The following FOXO3 variants were observed in gnomAD, a reference collection of about 807,000 sequenced individuals.
FOXO3 encodes the protein forkhead box O3, also known as forkhead box protein O3.
A neutral mutation model predicts 41.9 loss-of-function variants in FOXO3; 4 were observed. The ratio of observed to expected loss-of-function variants is 0.10; its 90% confidence interval spans 0.05 to 0.22. FOXO3 has a LOEUF of 0.22. Among genes scored for constraint, FOXO3 ranks in the 10% least tolerant of loss-of-function variants. The pLI, the probability that FOXO3 is intolerant of heterozygous loss-of-function variation, is 1.00. For synonymous variants in FOXO3, 318 were observed against 389.3 expected, an observed-to-expected ratio of 0.82 and a Z score of 2.16; for missense variants, 534 against 906.8, an observed-to-expected ratio of 0.59 and a Z score of 5.28.
intron 2 of FOXO3, among the ~76,000 whole-genome samples, chr6:108,665,635 A>C (rs1246764996): frequency 6.6e-6 from 1 of 152,124 alleles, no homozygotes; most frequent in Non-Finnish European, 1.5e-5. Context: ...AGCATGGGCA[A>C]CATAGCAAGA....
intron 2 of FOXO3, among the ~76,000 whole-genome samples, chr6:108,678,006 A>T (rs1231276790): frequency 2.0e-5 from 3 of 152,200 alleles, no homozygotes; most frequent in Admixed American, 1.3e-4. Flanking sequence ...TTCTTTTTAT[A>T]CTTTATTGTC....
intron 1 of FOXO3, among the ~76,000 whole-genome samples, chr6:108,579,677 G>T (rs1776355463): frequency 6.6e-6 from 1 of 152,040 alleles, no homozygotes; most frequent in Non-Finnish European, 1.5e-5. Context: ...ATGTTCTGGG[G>T]GCAAGGAGAG....
chr6:108,561,165 A>T lies in FOXO3; in HGVS notation c.-44A>T, dbSNP rs1276291218. 5 of 1,510,320 alleles carry T rather than the reference A, an allele frequency of 3.3e-6. No individual in the cohort carries two copies. In the Admixed American group the frequency reaches 8.3e-5, roughly 25 times the overall value. 93.6% of individuals were successfully genotyped at this position (1,510,320 alleles called of 1,614,324 possible). ...CCGCTGCACCCCGCCCCGGCGCGAG[A>T]GGAGAGCGCGAGAGCCCCAGCCGCG... is the stretch of plus-strand genomic sequence containing the variant. On this transcript the variant is annotated 5_prime_UTR_variant, in exon 1 of 3. Transcript: ENST00000406360.
chr6:108,660,928 C>A (rs536651805), intron 1 of FOXO3, among the ~76,000 whole-genome samples: 12 of 151,966 alleles, frequency 7.9e-5, no homozygotes, highest in Non-Finnish European at 1.8e-4. Context: ...GGCATGGTGG[C>A]GGGTGCCTGT....
intron 1 of FOXO3, among the ~76,000 whole-genome samples, chr6:108,631,897 C>G (rs1777985842): frequency 6.6e-6 from 1 of 152,192 alleles, no homozygotes; most frequent in Non-Finnish European, 1.5e-5. Flanking sequence ...CCATTCCCTG[C>G]TCCACCCCTC....
At chr6:108,606,778 A>G (rs1220088289) in intron 1 of FOXO3, among the ~76,000 whole-genome samples, 1 of 152,128 alleles carries the variant, frequency 6.6e-6, no homozygotes, top group African/African-American at 2.4e-5. Context: ...TACCTTGCAC[A>G]GCTCTTTTTA....
intron 1 of FOXO3, among the ~76,000 whole-genome samples, chr6:108,621,255 C>G (rs1209805186): frequency 6.6e-6 from 1 of 152,140 alleles, no homozygotes; most frequent in African/African-American, 2.4e-5. Context: ...CCACGAGGAA[C>G]AGCAGTTCAT....
intron 1 of FOXO3, among the ~76,000 whole-genome samples, chr6:108,604,005 G>A (rs772723265): frequency 7.2e-5 from 11 of 152,084 alleles, no homozygotes; most frequent in Non-Finnish European, 1.6e-4. Flanking sequence ...GGTGACTTAA[G>A]CTACTCTGAA....
intron 1 of FOXO3, among the ~76,000 whole-genome samples, chr6:108,625,801 A>C (rs1373477109): frequency 6.6e-6 from 1 of 152,194 alleles, no homozygotes; most frequent in Non-Finnish European, 1.5e-5. Context: ...CTTTAAAATA[A>C]AAGATCACTA....
intron 1 of FOXO3, among the ~76,000 whole-genome samples, chr6:108,569,704 C>A (rs962406467): frequency 1.3e-5 from 2 of 152,110 alleles, no homozygotes; most frequent in Non-Finnish European, 2.9e-5. Context: ...GCTCACCACA[C>A]CTTGGTGTCC....
chr6:108,649,830 AGTTGTGTGTTACTTGACGTTT>A (rs2128382149), intron 1 of FOXO3, among the ~76,000 whole-genome samples: 1 of 152,176 alleles, frequency 6.6e-6, no homozygotes, highest in African/African-American at 2.4e-5. Context: ...TGCCTCAGAG[AGTTGTGTGTTACTTGACGTTT>A]GTTGTGTGTT....
Position 108,561,529 on chromosome 6 carries a change from C to G in FOXO3, c.321C>G (p.Asp107Glu). 6.9e-7 allele frequency: 1 copy of G among 1,441,442 alleles called. No homozygotes were observed. Among genetic ancestry groups the G allele is most frequent in the East Asian group, 2.7e-5 (1 of 36,530 alleles). 89.3% of individuals were successfully genotyped at this position (1,441,442 alleles called of 1,614,324 possible). The change falls in exon 1 of 3, where the codon GAC becomes GAG. Residue 107 changes from aspartate to glutamate, a missense_variant. Coordinates refer to ENST00000406360, the MANE Select transcript of FOXO3 (RefSeq NM_001455.4). ...GGGTGCTGGCACCCGGAGGGCAAGACCCCGGGTCTGGGCCAGCCACCGCGG... is the reference window on the plus strand; with the variant it reads ...GGGTGCTGGCACCCGGAGGGCAAGAGCCCGGGTCTGGGCCAGCCACCGCGG... ...SARVLAPGGQDPGSGPATAAG... is the reference protein window; with the variant it reads ...SARVLAPGGQEPGSGPATAAG...
intron 1 of FOXO3, among the ~76,000 whole-genome samples, chr6:108,578,220 C>T (rs1488829223): frequency 6.6e-6 from 1 of 152,154 alleles, no homozygotes; most frequent in Non-Finnish European, 1.5e-5. Flanking sequence ...CAGGCTTACC[C>T]CACACAGACT....
At chr6:108,564,790 GT>G (rs5878982) in intron 1 of FOXO3, among the ~76,000 whole-genome samples, 137,754 of 147,890 alleles carry the variant, frequency 0.93, 64,644 homozygotes, top group Non-Finnish European at 0.99. Flanking sequence ...TTTGTGTTTT[GT>G]TTTTTTTTTT....
chr6:108,599,718 A>C (rs1327311709), intron 1 of FOXO3, among the ~76,000 whole-genome samples: 8 of 152,200 alleles, frequency 5.3e-5, no homozygotes, highest in Non-Finnish European at 1.2e-4. Flanking sequence ...AATGCTTCAG[A>C]GTAAGTATCT....
intron 1 of FOXO3, among the ~76,000 whole-genome samples, chr6:108,585,888 T>G (rs1582748363): frequency 6.6e-6 from 1 of 152,194 alleles, no homozygotes; most frequent in Admixed American, 6.5e-5. Context: ...CCAGTGGCTG[T>G]CACTCTGGCT....
intron 1 of FOXO3, among the ~76,000 whole-genome samples, chr6:108,630,420 G>A (rs1777933272): frequency 6.6e-6 from 1 of 152,156 alleles, no homozygotes; most frequent in Non-Finnish European, 1.5e-5. Context: ...AGGAGGCAGT[G>A]CCTGAGGTAT....
chr6:108,641,227 A>C (rs1778249168), intron 1 of FOXO3, among the ~76,000 whole-genome samples: 1 of 152,158 alleles, frequency 6.6e-6, no homozygotes, highest in African/African-American at 2.4e-5. Flanking sequence ...CAATTATTTC[A>C]ATATGAAGGG....
At chr6:108,620,390 G>A (rs369988280) in intron 1 of FOXO3, among the ~76,000 whole-genome samples, 1 of 152,228 alleles carries the variant, frequency 6.6e-6, no homozygotes, top group East Asian at 1.9e-4. Context: ...AAAATATCTG[G>A]TGGTAAGTGG....
Sources: gnomAD v4.1 joint callset for allele counts (sites outside exome capture counted in the v4.1 genomes callset) on GRCh38, gnomAD v4.1.1 for gene constraint, MANE v1.5 for transcripts, NCBI Gene and HGNC (gene_info 2026-07-23, HGNC 2026-07-21) for gene names.